Variants in GRID1 observed in about 807,000 individuals in gnomAD.
GRID1 encodes glutamate receptor ionotropic, delta-1.
A neutral mutation model predicts 98.0 loss-of-function variants in GRID1; 28 were observed. That is an observed-to-expected ratio of 0.29 (90% CI 0.21 to 0.39). GRID1 has a LOEUF of 0.39. GRID1 is among the 10% of genes least tolerant of loss of function. GRID1 has a pLI of 1.00. For missense variants in GRID1, 1,111 were observed against 1,340.5 expected (o/e 0.83, Z 2.67); for synonymous variants, 553 against 538.5 (o/e 1.03, Z -0.37).
Position 85,737,673 on chromosome 10 carries a change from T to TATATATATATATATATATATATATAA in GRID1, c.1234-8060_1234-8059insTTATATATATATATATATATATATAT, listed in dbSNP as rs1342754070. Among the ~76,000 whole-genome samples, 493 of 112,728 alleles carry TATATATATATATATATATATATATAA rather than the reference T, an allele frequency of 4.4e-3. 14 individuals carry two copies. Among genetic ancestry groups the TATATATATATATATATATATATATAA allele is most frequent in the Non-Finnish European group, 6.0e-3 (324 of 54,370 alleles). The allele number at this position is 112,728 out of a possible 152,430, so 74.0% of individuals were successfully genotyped here. The stretch of plus-strand genomic sequence containing the variant: ...ATATATATATATATATATATATATA[T>TATATATATATATATATATATATATAA]AAACATATATGGTTATATATATATA... On this transcript the variant is annotated intron_variant, in intron 8 of 15. Coordinates refer to ENST00000327946, the MANE Select transcript of GRID1 (RefSeq NM_017551.3).
chr10:85,627,822 G>A (rs983506098), intron 13 of GRID1, among the ~76,000 whole-genome samples: 15 of 152,188 alleles, frequency 9.9e-5, no homozygotes, highest in African/African-American at 3.4e-4. Flanking sequence ...AGGGCTCAAC[G>A]CGAGTTCCGT....
At chr10:86,109,085 C>T (rs930300654) in intron 4 of GRID1, among the ~76,000 whole-genome samples, 1 of 152,284 alleles carries the variant, frequency 6.6e-6, no homozygotes, top group South Asian at 2.1e-4. Context: ...TTCTCCTGAC[C>T]CTTTTTTAAG....
chr10:86,027,011 G>A (rs1203893401), intron 4 of GRID1, among the ~76,000 whole-genome samples: 1 of 152,210 alleles, frequency 6.6e-6, no homozygotes, highest in African/African-American at 2.4e-5. Context: ...GCCATGGGAG[G>A]CAGGACAAAG....
chr10:85,819,786 C>T (rs1480828784), intron 8 of GRID1, among the ~76,000 whole-genome samples: 2 of 151,940 alleles, frequency 1.3e-5, no homozygotes, highest in Non-Finnish European at 2.9e-5. Context: ...TGGTGGTGGG[C>T]ACCTGTAATC....
intron 12 of GRID1, among the ~76,000 whole-genome samples, chr10:85,681,893 G>A (rs954333804): frequency 6.6e-6 from 1 of 151,970 alleles, no homozygotes; most frequent in African/African-American, 2.4e-5. Flanking sequence ...CCAATGCTGG[G>A]GTACCTCAGG....
intron 4 of GRID1, among the ~76,000 whole-genome samples, chr10:86,074,432 G>C (rs1476227628): frequency 2.0e-5 from 3 of 151,944 alleles, no homozygotes; most frequent in Non-Finnish European, 2.9e-5. Flanking sequence ...TTGCCTTTTT[G>C]TGCCCGTCTT....
chr10:86,315,192 T>C (rs909257084), intron 2 of GRID1, among the ~76,000 whole-genome samples: 2 of 152,260 alleles, frequency 1.3e-5, no homozygotes, highest in Admixed American at 6.5e-5. Flanking sequence ...AGCAACATGA[T>C]GAAAGCACTT....
chr10:85,657,282 T>C (rs1840911098), intron 12 of GRID1, among the ~76,000 whole-genome samples: 1 of 152,166 alleles, frequency 6.6e-6, no homozygotes, highest in African/African-American at 2.4e-5. Flanking sequence ...TTAGTTCCCC[T>C]CCCAGAATAG....
At chr10:85,857,052 C>T (rs571192704) in intron 6 of GRID1, among the ~76,000 whole-genome samples, 22 of 152,308 alleles carry the variant, frequency 1.4e-4, no homozygotes, top group East Asian at 5.8e-4. Context: ...TCGCCGGACA[C>T]GCCTAGGGTG....
rs1483068256 is a variant in GRID1, at chr10:85,856,799, A to G, written c.952-609T>C. Among the ~76,000 whole-genome samples the G allele has an allele frequency of 7.2e-5, 11 of 152,332 alleles. No individual in the cohort carries two copies. The East Asian group carries it at 1.7e-3, about 24-fold the overall frequency. ...AGAGGCAATATACTGGATTTGCTCT[A>G]TTGGCCACCGCTGGCGGATCCTTGG... On this transcript the variant is annotated intron_variant, in intron 6 of 15. Transcript: ENST00000327946.
intron 4 of GRID1, among the ~76,000 whole-genome samples, chr10:86,127,379 C>T (rs1019949304): frequency 6.6e-6 from 1 of 152,212 alleles, no homozygotes; most frequent in Non-Finnish European, 1.5e-5. Flanking sequence ...GCACCCGCGG[C>T]TGTCCCTCCT....
intron 4 of GRID1, among the ~76,000 whole-genome samples, chr10:85,984,634 A>G (rs1842587618): frequency 6.6e-6 from 1 of 152,192 alleles, no homozygotes; most frequent in Admixed American, 6.5e-5. Flanking sequence ...CAGCACCTGG[A>G]AAGAAACATC....
chr10:86,078,398 C>T (rs1001913519), intron 4 of GRID1, among the ~76,000 whole-genome samples: 11 of 152,216 alleles, frequency 7.2e-5, no homozygotes, highest in African/African-American at 2.4e-4. Context: ...CTCTTGGGGA[C>T]GGTCAGCAGC....
chr10:85,753,506 T>C (rs949949224), intron 8 of GRID1, among the ~76,000 whole-genome samples: 2 of 152,200 alleles, frequency 1.3e-5, no homozygotes, highest in African/African-American at 4.8e-5. Flanking sequence ...TCTTCCTACA[T>C]GCCAGAAAAG....
At chr10:86,304,022 C>T (rs1178831447) in intron 2 of GRID1, among the ~76,000 whole-genome samples, 2 of 152,240 alleles carry the variant, frequency 1.3e-5, no homozygotes, top group Non-Finnish European at 2.9e-5. Flanking sequence ...TTCCTCCCCT[C>T]CAGCTGGAGA....
In GRID1 at chr10:85,602,267, G is replaced by A. The variant is rs368409092; in HGVS notation, c.*6C>T. The A allele has an allele frequency of 1.7e-4, 248 of 1,491,422 alleles. 1 individual carries two copies. Among genetic ancestry groups the A allele is most frequent in the Non-Finnish European group, 2.8e-5 (31 of 1,121,068 alleles). The allele number at this position is 1,491,422 out of a possible 1,614,324, so 92.4% of individuals were successfully genotyped here. The stretch of plus-strand genomic sequence containing the variant: ...GGGAGGGTGGGCAGGAGGGCAGGCG[G>A]CGCAGTCAGATGGAGGTCCCGTGGG... On this transcript the variant is annotated 3_prime_UTR_variant, in exon 16 of 16. Transcript: ENST00000327946.
Position 85,916,447 on chromosome 10 carries a change from C to T in GRID1, c.727-208G>A, listed in dbSNP as rs367577258. Among the ~76,000 whole-genome samples, 14 of 151,310 alleles carry T rather than the reference C, an allele frequency of 9.3e-5. No homozygotes were observed. The highest frequency in any genetic ancestry group is 3.9e-4 in the Admixed American group (6 of 15,256). On this transcript the variant is annotated intron_variant, in intron 4 of 15. Coordinates refer to ENST00000327946, the MANE Select transcript of GRID1 (RefSeq NM_017551.3). The surrounding 1 kb of genome is among the most constrained non-coding windows in gnomAD (Gnocchi z 4.0). ...CATCTGATTTCCTGCTCTCCCTCCA[C>T]GCACTCCTGCACCAGCCCAGAGCAA...
At chr10:86,191,469 C>T (rs1032499194) in intron 3 of GRID1, among the ~76,000 whole-genome samples, 1 of 151,952 alleles carries the variant, frequency 6.6e-6, no homozygotes, top group African/African-American at 2.4e-5. Context: ...ATCCATCCCC[C>T]ACCCTCCCCT....
chr10:85,691,897 A>G (rs2132611162), intron 12 of GRID1, among the ~76,000 whole-genome samples: 1 of 152,090 alleles, frequency 6.6e-6, no homozygotes, highest in East Asian at 1.9e-4. Flanking sequence ...CATCTAAACT[A>G]CCTTGTTTCC....
Sources: allele counts gnomAD v4.1 joint callset (sites outside exome capture counted in the v4.1 genomes callset), GRCh38; gene constraint gnomAD v4.1.1; non-coding constraint Gnocchi (gnomAD v3.1); transcripts MANE v1.5; gene names NCBI Gene and HGNC (gene_info 2026-07-23, HGNC 2026-07-21).